IFNA10: variants seen among roughly 807,000 people sequenced by gnomAD.
The protein encoded by IFNA10 is interferon alpha-10.
For synonymous variants in IFNA10, 96 were observed against 83.7 expected, an observed-to-expected ratio of 1.15 and a Z score of -0.80; for missense variants, 246 against 213.0, an observed-to-expected ratio of 1.15 and a Z score of -0.96.
At position 21,206,267 on chromosome 9, in the gene IFNA10, C is replaced by T. The variant is rs28751292; in HGVS notation, c.*261G>A. 15 of 296,742 alleles carry T rather than the reference C, an allele frequency of 5.1e-5. No individual in the cohort carries two copies. The highest frequency in any genetic ancestry group is 1.8e-4 in the African/African-American group (8 of 45,532). The allele number at this position is 296,742 out of a possible 1,614,324, so 18.4% of individuals were successfully genotyped here. ...TTGTTACATTAACCACAATGTAAAG[C>T]GACTCATGATATTACATAAATTTTA... is the stretch of plus-strand genomic sequence containing the variant. On this transcript the variant is annotated 3_prime_UTR_variant, in exon 1 of 1. Coordinates refer to ENST00000357374, the MANE Select transcript of IFNA10 (RefSeq NM_002171.2).
rs1212071410 is a variant in IFNA10 at position 21,207,087 on chromosome 9, G to T, written c.11C>A (p.Ser4Tyr). MAL[S>Y]FSLLMAVLVL... Reference sequence around the variant, plus strand: ...CAGCACGGCCATAAGTAAAGAAAAGGACAGGGCCATTGGGATGTTGCAAAT... The same window carrying T: ...CAGCACGGCCATAAGTAAAGAAAAGTACAGGGCCATTGGGATGTTGCAAAT... Residue 4 changes from serine to tyrosine, a missense_variant, in exon 1 of 1, where the codon TCC becomes TAC. Transcript: ENST00000357374. The T allele has an allele frequency of 6.2e-7, 1 of 1,605,184 alleles. No homozygotes were observed. Among genetic ancestry groups the T allele is most frequent in the Admixed American group, 1.7e-5 (1 of 58,284 alleles).
rs781509395 is a variant in IFNA10 at position 21,207,065 on chromosome 9, C to G, written c.33G>C (p.Val11=). Residue 11 remains valine (V), a synonymous_variant, in exon 1 of 1, where the codon GTG becomes GTC. Coordinates refer to ENST00000357374, the MANE Select transcript of IFNA10 (RefSeq NM_002171.2). ...AGATGGATTTGTAGCTGAGCACCAG[C>G]ACGGCCATAAGTAAAGAAAAGGACA... is the stretch of plus-strand genomic sequence containing the variant. MALSFSLLMA[V]LVLSYKSICS... The G allele has an allele frequency of 9.9e-6, 16 of 1,610,944 alleles. No individual in the cohort carries two copies. Among genetic ancestry groups the G allele is most frequent in the Middle Eastern group, 1.7e-4 (1 of 6,036 alleles).
rs3122462 is a variant in IFNA10, at chr9:21,206,525, T to G, written c.*3A>C. 9.1e-5 allele frequency: 147 copies of G among 1,613,240 alleles called. No individual in the cohort carries two copies. The highest frequency in any genetic ancestry group is 3.5e-4 in the Middle Eastern group (2 of 5,738). The stretch of plus-strand genomic sequence containing the variant: ...CAGGATCATTGCCATGTTGAACCAG[T>G]TTTCAATCCTTCCTCCTTAATCTTT... On this transcript the variant is annotated 3_prime_UTR_variant, in exon 1 of 1. Coordinates refer to ENST00000357374, the MANE Select transcript of IFNA10 (RefSeq NM_002171.2).
the IFNA10 span, chr9:21,206,725 G>A: frequency 1.6e-3 from 2,521 of 1,613,366 alleles, 38 homozygotes; most frequent in African/African-American, 0.025. Flanking sequence ...CCAACCTCCT[G>A]TATCACACAT....
rs1818276128 is a variant in IFNA10, at chr9:21,206,640, T to C, written c.458A>G (p.Tyr153Cys). ...AGGGCTGTATTTCCTCTCTATTAGATAAAGAGTGATTCTTTGGAAGTATTT... is the reference window on the plus strand; with the variant it reads ...AGGGCTGTATTTCCTCTCTATTAGACAAAGAGTGATTCTTTGGAAGTATTT... The part of the protein sequence containing the change: ...VRKYFQRITL[Y>C]LIERKYSPCA... Residue 153 changes from tyrosine (Y) to cysteine (C), a missense_variant, in exon 1 of 1, where the codon TAT becomes TGT. Tyr to Cys is a radical substitution (Grantham distance 194). Transcript: ENST00000357374. The C allele has an allele frequency of 6.2e-7, 1 of 1,613,968 alleles. No homozygotes were observed. The highest frequency in any genetic ancestry group is 8.5e-7 in the Non-Finnish European group (1 of 1,180,006).
chr9:21,206,544 A>C, the IFNA10 span: 6 of 1,613,708 alleles, frequency 3.7e-6, no homozygotes, highest in Non-Finnish European at 5.1e-6. Flanking sequence ...CTTCCTCCTT[A>C]ATCTTTTTTG....
Position 21,206,979 on chromosome 9 carries a change from A to G in IFNA10, c.119T>C (p.Leu40Pro). 1.2e-6 allele frequency: 2 copies of G among 1,613,894 alleles called. No homozygotes were observed. The highest frequency in any genetic ancestry group is 1.7e-6 in the Non-Finnish European group (2 of 1,180,014). ...HSLGNRRALI[L>P]LGQMGRISPF... ...AGAGATTCTTCCCATTTGTCCCAGGAGTATCAAGGCCCTCCTATTACCCAG... is the reference window on the plus strand; with the variant it reads ...AGAGATTCTTCCCATTTGTCCCAGGGGTATCAAGGCCCTCCTATTACCCAG... The change falls in exon 1 of 1, where the codon CTC becomes CCC. Residue 40 changes from leucine to proline, a missense_variant. Leu to Pro is a moderately conservative substitution (Grantham distance 98). Coordinates refer to ENST00000357374, the MANE Select transcript of IFNA10 (RefSeq NM_002171.2).
chr9:21,206,363 T>C lies in IFNA10; in HGVS notation c.*165A>G. ...AGAATGGTCATCTGTAAAGGACTAG[T>C]GCCTGCACAGGTATACACGACACTT... is the stretch of plus-strand genomic sequence containing the variant. On this transcript the variant is annotated 3_prime_UTR_variant, in exon 1 of 1. Coordinates refer to ENST00000357374, the MANE Select transcript of IFNA10 (RefSeq NM_002171.2). The C allele has an allele frequency of 9.6e-7, 1 of 1,044,144 alleles. No homozygotes were observed. Among genetic ancestry groups the C allele is most frequent in the South Asian group, 1.7e-5 (1 of 59,996 alleles). The allele number at this position is 1,044,144 out of a possible 1,614,324, so 64.7% of individuals were successfully genotyped here.
rs1271596198 is a variant in IFNA10 at position 21,206,997 on chromosome 9, T to C, written c.101A>G (p.Asn34Ser). The change falls in exon 1 of 1, where the codon AAT becomes AGT. Residue 34 changes from asparagine (N) to serine (S), a missense_variant. By Grantham distance (46) the Asn-to-Ser change is conservative. Transcript: ENST00000357374. Reference protein sequence around the residue: ...CDLPQTHSLGNRRALILLGQM... With the variant: ...CDLPQTHSLGSRRALILLGQM... ...TCCCAGGAGTATCAAGGCCCTCCTA[T>C]TACCCAGGCTGTGGGTCTGAGGCAG... 1.9e-6 allele frequency: 3 copies of C among 1,613,596 alleles called. No individual in the cohort carries two copies. The African/African-American group carries it at 4.0e-5, about 22-fold the overall frequency.
Position 21,206,924 on chromosome 9 carries a change from A to T in IFNA10, c.174T>A (p.Asp58Glu), listed in dbSNP as rs750813467. The T allele has an allele frequency of 6.2e-7, 1 of 1,613,816 alleles. No individual in the cohort carries two copies. ...CAAACTCCTCCTGGGGGATTCGGAA[A>T]TCATGTCTGTCCTTCAGGCAGGAGA... Reference protein sequence around the residue: ...SPFSCLKDRHDFRIPQEEFDG... With the variant: ...SPFSCLKDRHEFRIPQEEFDG... Residue 58 changes from aspartate to glutamate, a missense_variant, in exon 1 of 1, where the codon GAT becomes GAA. Asp to Glu is a conservative substitution (Grantham distance 45). Transcript: ENST00000357374.
chr9:21,206,641 A>G lies in IFNA10; in HGVS notation c.457T>C (p.Tyr153His). 1 of 1,613,930 alleles carries G rather than the reference A, an allele frequency of 6.2e-7. No homozygotes were observed. The highest frequency in any genetic ancestry group is 1.1e-5 in the South Asian group (1 of 91,072). ...GGGCTGTATTTCCTCTCTATTAGAT[A>G]AAGAGTGATTCTTTGGAAGTATTTC... ...VRKYFQRITLYLIERKYSPCA... is the reference protein window; with the variant it reads ...VRKYFQRITLHLIERKYSPCA... The change falls in exon 1 of 1, where the codon TAT becomes CAT. Residue 153 changes from tyrosine to histidine, a missense_variant. By Grantham distance (83) the Tyr-to-His change is moderately conservative. Transcript: ENST00000357374.
rs561076211 is a variant in IFNA10 at position 21,206,343 on chromosome 9, G to T, written c.*185C>A. 1.6e-5 allele frequency: 12 copies of T among 728,264 alleles called. No homozygotes were observed. The highest frequency in any genetic ancestry group is 5.7e-5 in the South Asian group (2 of 35,210). 45.1% of individuals were successfully genotyped at this position (728,264 alleles called of 1,614,324 possible). A position where few individuals can be genotyped will look rare whatever the true frequency, so the allele number is the denominator to read the frequency against. On this transcript the variant is annotated 3_prime_UTR_variant, in exon 1 of 1. Transcript: ENST00000357374. ...AAAAGATGAACAGAGACATCAGAAT[G>T]GTCATCTGTAAAGGACTAGTGCCTG...
rs2132929459 is a variant in IFNA10 at position 21,206,259 on chromosome 9, A to T, written c.*269T>A. ...AACATATATTGTTACATTAACCACA[A>T]TGTAAAGCGACTCATGATATTACAT... On this transcript the variant is annotated 3_prime_UTR_variant, in exon 1 of 1. Coordinates refer to ENST00000357374, the MANE Select transcript of IFNA10 (RefSeq NM_002171.2). 3.5e-6 allele frequency: 1 copy of T among 282,968 alleles called. No individual in the cohort carries two copies. Among genetic ancestry groups the T allele is most frequent in the East Asian group, 7.1e-5 (1 of 14,044 alleles). 17.5% of individuals were successfully genotyped at this position (282,968 alleles called of 1,614,324 possible).
In IFNA10 at chr9:21,206,865, G is replaced by C; in HGVS notation, c.233C>G (p.Ser78Cys). The C allele has an allele frequency of 6.2e-7, 1 of 1,613,740 alleles. No individual in the cohort carries two copies. Among genetic ancestry groups the C allele is most frequent in the Non-Finnish European group, 8.5e-7 (1 of 1,179,890 alleles). ...CTGCTGGATCATCTCATGGAGGACA[G>C]AGATGGCTTGAGCCTTCTGGAACTG... ...GNQFQKAQAI[S>C]VLHEMIQQTF... is the part of the protein sequence containing the mutation. Residue 78 changes from serine (S) to cysteine (C), a missense_variant, in exon 1 of 1, where the codon TCT becomes TGT. Physicochemically the swap from Ser to Cys is moderately radical, Grantham distance 112. Transcript: ENST00000357374.
In IFNA10 at chr9:21,206,404, A is replaced by C; in HGVS notation, c.*124T>G. 11 of 1,512,206 alleles carry C rather than the reference A, an allele frequency of 7.3e-6. No individual in the cohort carries two copies. Among genetic ancestry groups the C allele is most frequent in the Middle Eastern group, 2.4e-4 (1 of 4,086 alleles). The allele number at this position is 1,512,206 out of a possible 1,614,324, so 93.7% of individuals were successfully genotyped here. A position where few individuals can be genotyped will look rare whatever the true frequency, so the allele number is the denominator to read the frequency against. The stretch of plus-strand genomic sequence containing the variant: ...CACGACACTTCTTTACACTGCTGAA[A>C]ACATTTGAAAATTTTGATTCAACGC... On this transcript the variant is annotated 3_prime_UTR_variant, in exon 1 of 1. Transcript: ENST00000357374.
rs1818268235 is a variant in IFNA10, at chr9:21,206,330, G to GATAATT, written c.*197_*198insAATTAT. 2 of 591,342 alleles carry GATAATT rather than the reference G, an allele frequency of 3.4e-6. No homozygotes were observed. The highest frequency in any genetic ancestry group is 6.6e-5 in the East Asian group (2 of 30,274). The allele number at this position is 591,342 out of a possible 1,614,324, so 36.6% of individuals were successfully genotyped here. On this transcript the variant is annotated 3_prime_UTR_variant, in exon 1 of 1. Transcript: ENST00000357374. ...TAAATATTTAAACAAAAGATGAACA[G>GATAATT]AGACATCAGAATGGTCATCTGTAAA...
Position 21,206,967 on chromosome 9 carries a change from A to G in IFNA10, c.131T>C (p.Met44Thr), listed in dbSNP as rs751168118. 3 of 1,613,886 alleles carry G rather than the reference A, an allele frequency of 1.9e-6. No homozygotes were observed. The highest frequency in any genetic ancestry group is 2.5e-6 in the Non-Finnish European group (3 of 1,180,010). ...GCAGGAGAAAGGAGAGATTCTTCCC[A>G]TTTGTCCCAGGAGTATCAAGGCCCT... is the stretch of plus-strand genomic sequence containing the variant. ...NRRALILLGQ[M>T]GRISPFSCLK... The change falls in exon 1 of 1, where the codon ATG (methionine) becomes ACG (threonine). Residue 44 changes from methionine (M) to threonine (T), a missense_variant. Physicochemically the swap from Met to Thr is moderately conservative, Grantham distance 81 (BLOSUM62 -1). Coordinates refer to ENST00000357374, the MANE Select transcript of IFNA10 (RefSeq NM_002171.2).
In IFNA10 at chr9:21,207,020, C is replaced by T. The variant is rs1818284448; in HGVS notation, c.78G>A (p.Leu26=). 6.2e-7 allele frequency: 1 copy of T among 1,612,426 alleles called. No homozygotes were observed. The highest frequency in any genetic ancestry group is 1.3e-5 in the African/African-American group (1 of 74,448). Residue 26 remains leucine, a synonymous_variant, in exon 1 of 1, where the codon CTG becomes CTA. Coordinates refer to ENST00000357374, the MANE Select transcript of IFNA10 (RefSeq NM_002171.2). The stretch of plus-strand genomic sequence containing the variant: ...TATTACCCAGGCTGTGGGTCTGAGG[C>T]AGATCACAGCCTAGAGAACAGATGG... ...YKSICSLGCD[L]PQTHSLGNRR...
Position 21,206,304 on chromosome 9 carries a change from A to G in IFNA10, c.*224T>C, listed in dbSNP as rs1488538373. 3 of 455,530 alleles carry G rather than the reference A, an allele frequency of 6.6e-6. No individual in the cohort carries two copies. The highest frequency in any genetic ancestry group is 4.2e-5 in the Admixed American group (1 of 24,078). The allele number at this position is 455,530 out of a possible 1,614,324, so 28.2% of individuals were successfully genotyped here. A position where few individuals can be genotyped will look rare whatever the true frequency, so the allele number is the denominator to read the frequency against. ...TTACATAAATTTTAAAAATAATTAA[A>G]TAAATATTTAAACAAAAGATGAACA... On this transcript the variant is annotated 3_prime_UTR_variant, in exon 1 of 1. Transcript: ENST00000357374.
Sources: gnomAD v4.1 joint callset for allele counts on GRCh38, gnomAD v4.1.1 for gene constraint, MANE v1.5 for transcripts, NCBI Gene and HGNC (gene_info 2026-07-23, HGNC 2026-07-21) for gene names.